Variants in TANK observed in about 807,000 individuals in gnomAD.
The protein encoded by TANK is TRAF family member-associated NF-kappa-B activator.
In TANK, 15 loss-of-function variants were observed where a neutral mutation model predicts 43.6. The ratio of observed to expected loss-of-function variants is 0.34; its 90% confidence interval spans 0.23 to 0.53. The LOEUF (loss-of-function observed/expected upper bound fraction) is 0.53. Ranked by LOEUF, TANK falls within the 20% of genes least tolerant of loss-of-function variation. The pLI, the probability that TANK is intolerant of heterozygous loss-of-function variation, is 0.94. For missense variants in TANK, 417 were observed against 498.6 expected (o/e 0.84, Z 1.56); for synonymous variants, 162 against 178.2 (o/e 0.91, Z 0.73).
chr2:161,181,648 C>T (rs1158442648), intron 2 of TANK, among the ~76,000 whole-genome samples: 1 of 152,054 alleles, frequency 6.6e-6, no homozygotes, highest in Admixed American at 6.6e-5. Context: ...CTTTTAGCAT[C>T]AAATCTCATG....
upstream of TANK, among the ~76,000 whole-genome samples, chr2:161,157,036 G>A (rs1428486605): frequency 6.6e-6 from 1 of 152,102 alleles, no homozygotes; most frequent in Non-Finnish European, 1.5e-5. Context: ...TCCAAAATGG[G>A]TCATAGAGTG....
chr2:161,179,806 G>A, intron 2 of TANK, 45 bp downstream of exon 2: 1 of 1,567,720 alleles, frequency 6.4e-7, no homozygotes, highest in Non-Finnish European at 8.7e-7. Flanking sequence ...CTTGGTACAT[G>A]GAATTTTAGA....
At chr2:161,221,680 C>T (rs531966556) in intron 4 of TANK, among the ~76,000 whole-genome samples, 2 of 150,132 alleles carry the variant, frequency 1.3e-5, no homozygotes, top group Non-Finnish European at 3.0e-5. Context: ...TTTTTTTTCC[C>T]CCAAGTAACA....
intron 1 of TANK, among the ~76,000 whole-genome samples, chr2:161,143,269 CAG>C (rs1417068580): frequency 6.6e-6 from 1 of 152,132 alleles, no homozygotes; most frequent in Non-Finnish European, 1.5e-5. Context: ...CATCTGCAAA[CAG>C]AGACAATTTG....
At chr2:161,143,432 C>T (rs1246910330) in intron 1 of TANK, among the ~76,000 whole-genome samples, 2 of 152,060 alleles carry the variant, frequency 1.3e-5, no homozygotes, top group Non-Finnish European at 2.9e-5. Context: ...CAGCTTTTGC[C>T]CATTTAGTAT....
At chr2:161,167,046 G>A (rs1369490560) in intron 1 of TANK, among the ~76,000 whole-genome samples, 2 of 152,230 alleles carry the variant, frequency 1.3e-5, no homozygotes, top group Non-Finnish European at 2.9e-5. Flanking sequence ...CACCACAAGT[G>A]TGAACTCTGG....
intron 4 of TANK, chr2:161,216,433 AT>A (rs1687119603): frequency 2.1e-6 from 1 of 469,470 alleles, no homozygotes; most frequent in Admixed American, 2.4e-5. Context: ...TTCTCATCTT[AT>A]CCTGAGCCGT....
At chr2:161,216,132 T>G (rs1367822955) in intron 4 of TANK, among the ~76,000 whole-genome samples, 1 of 152,224 alleles carries the variant, frequency 6.6e-6, no homozygotes, top group East Asian at 1.9e-4. Flanking sequence ...TAATTCCATA[T>G]TTAATGGATT....
chr2:161,179,381 T>C, intron 1 of TANK: 1 of 398,552 alleles, frequency 2.5e-6, no homozygotes, highest in Non-Finnish European at 4.4e-6. Context: ...AAGTAGCATC[T>C]TCCTGAACCG....
In TANK at chr2:161,231,035, G is replaced by C; in HGVS notation, c.585G>C (p.Lys195Asn). ...CAGATAAACAAGAAGCGCTGTTTAA[G>C]CCTCAGGCTAAAGATGATATAAATA... Reference protein sequence around the residue: ...DKTDKQEALFKPQAKDDINRG... With the variant: ...DKTDKQEALFNPQAKDDINRG... The change falls in exon 7 of 8, where the codon AAG becomes AAC. Residue 195 changes from lysine to asparagine, a missense_variant. By Grantham distance (94) the Lys-to-Asn change is moderately conservative. Transcript: ENST00000392749. 2 of 1,614,104 alleles carry C rather than the reference G, an allele frequency of 1.2e-6. No homozygotes were observed. Among genetic ancestry groups the C allele is most frequent in the Non-Finnish European group, 1.7e-6 (2 of 1,179,998 alleles).
At chr2:161,232,407 GTTA>G (rs1687959293) in intron 7 of TANK, among the ~76,000 whole-genome samples, 1 of 152,102 alleles carries the variant, frequency 6.6e-6, no homozygotes, top group African/African-American at 2.4e-5. Flanking sequence ...TTTTAAAAAA[GTTA>G]TTAATACCCT....
chr2:161,210,491 TGTAAA>T (rs1686830282), intron 4 of TANK, among the ~76,000 whole-genome samples: 1 of 152,106 alleles, frequency 6.6e-6, no homozygotes, highest in African/African-American at 2.4e-5. Context: ...TATAAAATAA[TGTAAA>T]GTCCTAATTA....
At chr2:161,222,036 TA>T (rs1270569005) in intron 4 of TANK, among the ~76,000 whole-genome samples, 2 of 152,102 alleles carry the variant, frequency 1.3e-5, no homozygotes, top group African/African-American at 2.4e-5. Context: ...TAGCATCAAT[TA>T]TTTACCAAGC....
chr2:161,223,831 T>C, intron 4 of TANK, 84 bp from the exon 5 acceptor site: 1 of 848,096 alleles, frequency 1.2e-6, no homozygotes, highest in South Asian at 1.8e-5. Context: ...AAATAAAATT[T>C]CCTTTGTGTT....
chr2:161,224,811 G>C (rs1249799399), intron 6 of TANK, 65 bp downstream of exon 6: 8 of 1,021,030 alleles, frequency 7.8e-6, no homozygotes, highest in Non-Finnish European at 1.1e-5. Flanking sequence ...CCTTTTGAAT[G>C]TGAAAATATT....
intron 2 of TANK, among the ~76,000 whole-genome samples, chr2:161,192,074 C>T (rs1685943055): frequency 6.6e-6 from 1 of 152,154 alleles, no homozygotes; most frequent in Non-Finnish European, 1.5e-5. Context: ...AGGTGTGAGC[C>T]ACCATGCCCA....
chr2:161,173,592 C>G (rs1489478794), intron 1 of TANK, among the ~76,000 whole-genome samples: 3 of 151,842 alleles, frequency 2.0e-5, no homozygotes, highest in Admixed American at 6.6e-5. Context: ...TCTACAAATG[C>G]TTATACCTGT....
At chr2:161,213,419 G>A (rs1196366503) in intron 4 of TANK, among the ~76,000 whole-genome samples, 9 of 151,938 alleles carry the variant, frequency 5.9e-5, no homozygotes, top group African/African-American at 2.2e-4. Flanking sequence ...CCTGGCCAAC[G>A]TGATGAAACC....
intron 2 of TANK, 65 bp downstream of exon 2, chr2:161,179,826 A>G: frequency 6.5e-7 from 1 of 1,533,200 alleles, no homozygotes. Context: ...AGCCTTTTGC[A>G]TCTGAAAAAT....
Sources: gnomAD v4.1 joint callset for allele counts (sites outside exome capture counted in the v4.1 genomes callset) on GRCh38, gnomAD v4.1.1 for gene constraint, MANE v1.5 for transcripts, NCBI Gene and HGNC (gene_info 2026-07-23, HGNC 2026-07-21) for gene names.